The following FXYD7 variants were observed in gnomAD, a reference collection of about 807,000 sequenced individuals.
The protein encoded by FXYD7 is FXYD domain containing ion transport regulator 7.
A neutral mutation model predicts 15.3 loss-of-function variants in FXYD7; 7 were observed. That is an observed-to-expected ratio of 0.46 (90% confidence interval 0.26 to 0.86). The LOEUF is 0.86. Ranked by LOEUF, FXYD7 falls within the 40% of genes least tolerant of loss-of-function variation. FXYD7 has a pLI of 0.16. For synonymous variants in FXYD7, 39 were observed against 39.3 expected (o/e 0.99, Z 0.03); for missense variants, 78 against 100.6 (o/e 0.78, Z 0.96).
chr19:35,148,907 G>A (rs1026003479), intron 2 of FXYD7, 184 bp downstream of exon 2: 2 of 731,650 alleles, frequency 2.7e-6, no homozygotes, highest in African/African-American at 3.4e-5. Flanking sequence ...TGGGGGAGTG[G>A]GGATGCCTCA....
rs1053079613 is a variant in FXYD7, at chr19:35,154,008, G to C, written c.*92G>C. On this transcript the variant is annotated 3_prime_UTR_variant, in exon 6 of 6. Transcript: ENST00000270310. ...CGGTGGGGACCCAGCCGCGCGCCGG[G>C]AGCGCTCCCCGGAATGAGCCGCCCC... 7.7e-7 allele frequency: 1 copy of C among 1,295,518 alleles called. No homozygotes were observed. The highest frequency in any genetic ancestry group is 1.1e-6 in the Non-Finnish European group (1 of 909,694). 80.3% of individuals were successfully genotyped at this position (1,295,518 alleles called of 1,614,324 possible).
intron 3 of FXYD7, 46 bp from the exon 4 acceptor site, chr19:35,151,394 T>C (rs11673428): frequency 0.12 from 190,114 of 1,608,586 alleles, 12,247 homozygotes; most frequent in African/African-American, 0.19. Context: ...ATCCATATCC[T>C]ACCCGCTATG....
intron 2 of FXYD7, chr19:35,149,086 C>A (rs1457613796): frequency 2.1e-6 from 1 of 481,490 alleles, no homozygotes; most frequent in Middle Eastern, 3.2e-4. Flanking sequence ...GGGCAAGCAA[C>A]TTTGCCTCTC....
chr19:35,148,148 A>G (rs2065297455), intron 1 of FXYD7, among the ~76,000 whole-genome samples: 1 of 152,020 alleles, frequency 6.6e-6, no homozygotes, highest in Non-Finnish European at 1.5e-5. Context: ...AGAAAAAGAA[A>G]TAAGTAATGT....
At position 35,143,317 on chromosome 19, in the gene FXYD7, C is replaced by T; in HGVS notation, c.-17C>T. ...TTCGCCGCCAAAGCATCCAGCAGCC[C>T]CCTGCTCCGGCCCAGCATGGCGACC... On this transcript the variant is annotated 5_prime_UTR_variant, in exon 1 of 6. Coordinates refer to ENST00000270310, the MANE Select transcript of FXYD7 (RefSeq NM_022006.2). This position sits in a 1 kb window ranked among gnomAD's most constrained non-coding sequence, Gnocchi z 4.3. The T allele has an allele frequency of 6.5e-7, 1 of 1,537,570 alleles. No individual in the cohort carries two copies. The highest frequency in any genetic ancestry group is 8.8e-7 in the Non-Finnish European group (1 of 1,141,652).
Position 35,143,887 on chromosome 19 carries a change from G to C in FXYD7, c.31+523G>C, listed in dbSNP as rs1410236627. Among the ~76,000 whole-genome samples, 1 of 152,124 alleles carries C rather than the reference G, an allele frequency of 6.6e-6. No individual in the cohort carries two copies. The highest frequency in any genetic ancestry group is 1.9e-4 in the East Asian group (1 of 5,198). On this transcript the variant is annotated intron_variant, in intron 1 of 5. Coordinates refer to ENST00000270310, the MANE Select transcript of FXYD7 (RefSeq NM_022006.2). This position sits in a 1 kb window ranked among gnomAD's most constrained non-coding sequence, Gnocchi z 4.3. Reference sequence around the variant, plus strand: ...AGCTGAAGGAAGAGACAGAGAGAAGGGATATAGCAAGAGACAGACAGGGAG... The same window carrying C: ...AGCTGAAGGAAGAGACAGAGAGAAGCGATATAGCAAGAGACAGACAGGGAG...
chr19:35,146,765 G>C (rs942705925), intron 1 of FXYD7, among the ~76,000 whole-genome samples: 5 of 152,154 alleles, frequency 3.3e-5, no homozygotes, highest in South Asian at 4.1e-4. Context: ...TTAGGTAAAG[G>C]GGGGAGATTA....
chr19:35,150,683 A>G (rs1034574143), intron 2 of FXYD7, among the ~76,000 whole-genome samples: 1 of 152,198 alleles, frequency 6.6e-6, no homozygotes, highest in African/African-American at 2.4e-5. Flanking sequence ...TGGGGAGGCC[A>G]CTGTGGCTGG....
chr19:35,143,263 C>T lies in FXYD7; in HGVS notation c.-71C>T, dbSNP rs1259568309. 4.4e-6 allele frequency: 5 copies of T among 1,148,030 alleles called. No homozygotes were observed. Among genetic ancestry groups the T allele is most frequent in the Non-Finnish European group, 3.8e-6 (3 of 794,834 alleles). 71.1% of individuals were successfully genotyped at this position (1,148,030 alleles called of 1,614,324 possible). A position where few individuals can be genotyped will look rare whatever the true frequency, so the allele number is the denominator to read the frequency against. The stretch of plus-strand genomic sequence containing the variant: ...CCCCCAGCTCCCCCCCACATCGGTC[C>T]GTCCTGCTTCCAGCTGCTGCAGCGC... On this transcript the variant is annotated 5_prime_UTR_variant, in exon 1 of 6. Transcript: ENST00000270310. The surrounding 1 kb of genome is among the most constrained non-coding windows in gnomAD (Gnocchi z 4.3).
In FXYD7 at chr19:35,151,214, G is replaced by T. The variant is rs776118709; in HGVS notation, c.62-40G>T. Reference sequence around the variant, plus strand: ...GGACTGGGCTCCAGGTGCAGCCAAGGTGCTGTCCCTGCCTCGATGTCCCCC... The same window carrying T: ...GGACTGGGCTCCAGGTGCAGCCAAGTTGCTGTCCCTGCCTCGATGTCCCCC... On this transcript the variant is annotated intron_variant, in intron 2 of 5. Transcript: ENST00000270310. 9.1e-6 allele frequency: 12 copies of T among 1,318,122 alleles called. No individual in the cohort carries two copies. The East Asian group carries it at 2.3e-4, about 25-fold the overall frequency. 81.7% of individuals were successfully genotyped at this position (1,318,122 alleles called of 1,614,324 possible).
At chr19:35,144,098 G>A (rs944706589) in intron 1 of FXYD7, among the ~76,000 whole-genome samples, 3 of 151,990 alleles carry the variant, frequency 2.0e-5, no homozygotes, top group Admixed American at 6.5e-5. Flanking sequence ...GATTGAGACC[G>A]CTATGGAGAG....
At chr19:35,153,790 T>C in intron 5 of FXYD7, 104 bp from the exon 6 acceptor site, 2 of 1,045,222 alleles carry the variant, frequency 1.9e-6, no homozygotes, top group South Asian at 2.6e-5. Flanking sequence ...TGACAGTCCC[T>C]GGGGTCTGGC....
chr19:35,145,138 C>A (rs1050685841), intron 1 of FXYD7, among the ~76,000 whole-genome samples: 1 of 152,088 alleles, frequency 6.6e-6, no homozygotes, highest in African/African-American at 2.4e-5. Context: ...AAGATTGAAA[C>A]CTGCATCTCA....
chr19:35,149,205 A>G, intron 2 of FXYD7: 1 of 367,924 alleles, frequency 2.7e-6, no homozygotes, highest in South Asian at 2.0e-5. Context: ...AAGCTCAAAT[A>G]AGCTACCCCA....
intron 2 of FXYD7, among the ~76,000 whole-genome samples, chr19:35,150,044 G>A (rs546774112): frequency 2.4e-4 from 37 of 152,224 alleles, no homozygotes; most frequent in Admixed American, 8.5e-4. Context: ...AGCCTCCCGA[G>A]TAGCTGGGAC....
Position 35,153,033 on chromosome 19 carries a change from C to CTTTGTTTTTTTTTTTTTTTTTTTTTTT in FXYD7, c.221-858_221-857insGTTTTTTTTTTTTTTTTTTTTTTTTTT, listed in dbSNP as rs1555737607. 1.4e-3 allele frequency among the ~76,000 whole-genome samples: 60 copies of CTTTGTTTTTTTTTTTTTTTTTTTTTTT among 44,138 alleles called. 11 individuals carry two copies. The highest frequency in any genetic ancestry group is 5.4e-3 in the South Asian group (6 of 1,112). 29.0% of individuals were successfully genotyped at this position (44,138 alleles called of 152,430 possible). On this transcript the variant is annotated intron_variant, in intron 5 of 5. Transcript: ENST00000270310. ...TTGGTGTGGAATTTGTTTCACGTTC[C>CTTTGTTTTTTTTTTTTTTTTTTTTTTT]TTTTTTTTTTTTTTTTTTTTTTTTT...
chr19:35,145,826 G>A (rs925511508), intron 1 of FXYD7, among the ~76,000 whole-genome samples: 41 of 152,074 alleles, frequency 2.7e-4, no homozygotes, highest in African/African-American at 9.9e-4. Context: ...CGCCTAGGCT[G>A]GAGTGCAATG....
intron 2 of FXYD7, among the ~76,000 whole-genome samples, chr19:35,150,596 G>A (rs1268109111): frequency 6.6e-6 from 1 of 152,174 alleles, no homozygotes; most frequent in African/African-American, 2.4e-5. Flanking sequence ...ATATTTGGGG[G>A]AAGAGCTTTC....
chr19:35,148,081 AAGAAAGAAAGAAAGAG>A (rs1489402563), intron 1 of FXYD7, among the ~76,000 whole-genome samples: 35 of 122,152 alleles, frequency 2.9e-4, no homozygotes, highest in African/African-American at 9.9e-4. Context: ...GAAAGAAAGA[AAGAAAGAAAGAAAGAG>A]AGAGAGAAAG....
Sources: gnomAD v4.1 joint callset for allele counts (sites outside exome capture counted in the v4.1 genomes callset) on GRCh38, gnomAD v4.1.1 for gene constraint, Gnocchi (gnomAD v3.1) non-coding constraint, MANE v1.5 for transcripts, NCBI Gene and HGNC (gene_info 2026-07-23, HGNC 2026-07-21) for gene names.